Variants in FRMD4B observed in about 807,000 individuals in gnomAD.
FRMD4B encodes the protein FERM domain-containing protein 4B.
In FRMD4B, 74 loss-of-function variants were observed where a neutral mutation model predicts 141.5. The ratio of observed to expected loss-of-function variants is 0.52; its 90% CI spans 0.43 to 0.63. The LOEUF (loss-of-function observed/expected upper bound fraction) is 0.63, where lower values mean the gene tolerates loss of function less well. Among genes scored for constraint, FRMD4B ranks in the 30% least tolerant of loss-of-function variants. The pLI, the probability that FRMD4B is intolerant of heterozygous loss-of-function variation, is 0.00. For missense variants in FRMD4B, 1,366 were observed against 1,253.4 expected, an observed-to-expected ratio of 1.09 and a Z score of -1.36; for synonymous variants, 506 against 467.9, an observed-to-expected ratio of 1.08 and a Z score of -1.05.
chr3:69,435,081 A>G (rs1705239204), intron 1 of FRMD4B, among the ~76,000 whole-genome samples: 1 of 152,100 alleles, frequency 6.6e-6, no homozygotes, highest in Non-Finnish European at 1.5e-5. Flanking sequence ...TCAAGGCCTA[A>G]TTTTAACTTA....
chr3:69,490,360 G>A (rs1324210099), intron 1 of FRMD4B, among the ~76,000 whole-genome samples: 1 of 152,180 alleles, frequency 6.6e-6, no homozygotes, highest in Non-Finnish European at 1.5e-5. Flanking sequence ...CTTTGCATCA[G>A]TTCTTCTTTT....
chr3:69,394,933 G>A lies in FRMD4B; in HGVS notation c.-1+37701C>T, dbSNP rs144216255. ...CACAGAAACAGAAAACCAAACACCC[G>A]CCTGTTCTCACTCATAAGTGGTAGT... On this transcript the variant is annotated intron_variant, in intron 2 of 5. Coordinates refer to the FRMD4B transcript ENST00000459638. 5.5e-4 allele frequency among the ~76,000 whole-genome samples: 84 copies of A among 152,136 alleles called. 1 individual carries two copies. In the East Asian group the frequency reaches 0.012, roughly 22 times the overall value.
intron 1 of FRMD4B, among the ~76,000 whole-genome samples, chr3:69,340,074 G>T (rs1172638016): frequency 6.6e-6 from 1 of 152,080 alleles, no homozygotes; most frequent in Admixed American, 6.5e-5. Flanking sequence ...CTCCTTTCCA[G>T]CTCAAGGCAT....
At position 69,235,137 on chromosome 3, in the gene FRMD4B, G is replaced by A. The variant is rs931409935; in HGVS notation, c.582-10447C>T. On this transcript the variant is annotated intron_variant, in intron 7 of 22. Transcript: ENST00000398540. ...TGCACTCCAGCCTGGGTGACAGAGC[G>A]AGACCCTGTCTCAAATAATAATAAT... Among the ~76,000 whole-genome samples the A allele has an allele frequency of 1.5e-4, 22 of 145,398 alleles. No homozygotes were observed. In the East Asian group the frequency reaches 2.2e-3, roughly 15 times the overall value.
At chr3:69,179,917 C>T (rs1042815536) in intron 21 of FRMD4B, among the ~76,000 whole-genome samples, 4 of 152,178 alleles carry the variant, frequency 2.6e-5, no homozygotes, top group Non-Finnish European at 5.9e-5. Context: ...AGAGCCTCCC[C>T]TATCTTCTAT....
At chr3:69,204,719 T>C (rs1575607052) in intron 11 of FRMD4B, among the ~76,000 whole-genome samples, 1 of 152,176 alleles carries the variant, frequency 6.6e-6, no homozygotes, top group Non-Finnish European at 1.5e-5. Context: ...GTACAGGCTG[T>C]CGAAGTGACA....
chr3:69,267,040 A>G (rs2093565496), intron 5 of FRMD4B, among the ~76,000 whole-genome samples: 3 of 152,226 alleles, frequency 2.0e-5, no homozygotes, highest in Admixed American at 1.3e-4. Flanking sequence ...TATTGCAGAT[A>G]CCTGGAGAAC....
intron 2 of FRMD4B, among the ~76,000 whole-genome samples, chr3:69,406,218 C>T (rs899690633): frequency 2.0e-5 from 3 of 152,114 alleles, no homozygotes; most frequent in African/African-American, 7.2e-5. Context: ...TTTTAAATGG[C>T]CAGAGGCACA....
At chr3:69,444,046 C>T (rs1367455331) in intron 1 of FRMD4B, among the ~76,000 whole-genome samples, 1 of 152,154 alleles carries the variant, frequency 6.6e-6, no homozygotes, top group Non-Finnish European at 1.5e-5. Context: ...GGACCTGTGG[C>T]CCCCACCCAG....
At chr3:69,517,656 G>A (rs1326944497) in intron 1 of FRMD4B, among the ~76,000 whole-genome samples, 2 of 152,174 alleles carry the variant, frequency 1.3e-5, no homozygotes, top group African/African-American at 2.4e-5. Context: ...GAAAAGAACC[G>A]GGCTTCCTGA....
chr3:69,209,367 A>G (rs1243184469), intron 11 of FRMD4B, among the ~76,000 whole-genome samples: 1 of 152,172 alleles, frequency 6.6e-6, no homozygotes, highest in Non-Finnish European at 1.5e-5. Flanking sequence ...GCGATCAACT[A>G]TGGGAGGGGA....
Position 69,181,051 on chromosome 3 carries a change from C to A in FRMD4B, c.2699G>T (p.Arg900Leu), listed in dbSNP as rs533947293. Residue 900 changes from arginine to leucine, a missense_variant, in exon 21 of 23, where the codon CGT becomes CTT. Physicochemically the swap from Arg to Leu is moderately radical, Grantham distance 102. Coordinates refer to ENST00000398540, the MANE Select transcript of FRMD4B (RefSeq NM_015123.3). ...IHKALVAEHLRGWYQRASGQK... is the reference protein window; with the variant it reads ...IHKALVAEHLLGWYQRASGQK... ...CCCAGAGGCCCGCTGGTACCAGCCA[C>A]GCAAGTGCTCGGCAACTAAGGCCTT... 7 of 1,613,962 alleles carry A rather than the reference C, an allele frequency of 4.3e-6. No homozygotes were observed. Among genetic ancestry groups the A allele is most frequent in the South Asian group, 2.2e-5 (2 of 91,078 alleles).
rs540230772 is a variant in FRMD4B at position 69,463,616 on chromosome 3, G to A, written c.-128-30855C>T. On this transcript the variant is annotated intron_variant, in intron 1 of 5. Coordinates refer to the FRMD4B transcript ENST00000459638. ...TAAGTCTCCAGTTAGGCTGAGTAGT[G>A]ACTTGAGATGACACAATGTAATAGA... 2.6e-5 allele frequency among the ~76,000 whole-genome samples: 4 copies of A among 152,318 alleles called. No homozygotes were observed. In the East Asian group the frequency reaches 7.7e-4, roughly 29 times the overall value.
intron 1 of FRMD4B, among the ~76,000 whole-genome samples, chr3:69,340,263 AGGT>A (rs1702693914): frequency 6.6e-6 from 1 of 152,168 alleles, no homozygotes; most frequent in Non-Finnish European, 1.5e-5. Flanking sequence ...TTTGTCACAC[AGGT>A]GCTAAGCATA....
At chr3:69,462,240 A>T (rs1338574749) in intron 1 of FRMD4B, among the ~76,000 whole-genome samples, 1 of 152,108 alleles carries the variant, frequency 6.6e-6, no homozygotes, top group Non-Finnish European at 1.5e-5. Context: ...TGTCTGAGAG[A>T]CTGTGTGAGC....
chr3:69,383,431 T>A (rs1179748680), intron 1 of FRMD4B, among the ~76,000 whole-genome samples: 2 of 152,352 alleles, frequency 1.3e-5, no homozygotes, highest in African/African-American at 4.8e-5. Context: ...GATTCTGTAT[T>A]CATAAAAGCC....
intron 1 of FRMD4B, among the ~76,000 whole-genome samples, chr3:69,372,778 T>C (rs1386200546): frequency 6.6e-6 from 1 of 152,246 alleles, no homozygotes; most frequent in African/African-American, 2.4e-5. Context: ...AAGCATTATA[T>C]ATGTGTGTAT....
intron 1 of FRMD4B, among the ~76,000 whole-genome samples, chr3:69,452,819 G>A (rs1357879788): frequency 6.6e-6 from 1 of 152,194 alleles, no homozygotes; most frequent in Non-Finnish European, 1.5e-5. Context: ...ACAGGCACAT[G>A]TATAATTTTC....
chr3:69,309,131 T>C (rs1361000113), intron 3 of FRMD4B, among the ~76,000 whole-genome samples: 1 of 152,078 alleles, frequency 6.6e-6, no homozygotes, highest in Non-Finnish European at 1.5e-5. Flanking sequence ...ATATTTTATT[T>C]TCTATTTTTA....
Sources: allele counts gnomAD v4.1 joint callset (sites outside exome capture counted in the v4.1 genomes callset), GRCh38; gene constraint gnomAD v4.1.1; transcripts MANE v1.5; gene names NCBI Gene and HGNC (gene_info 2026-07-23, HGNC 2026-07-21).